CRELD1: variants seen among roughly 807,000 people sequenced by gnomAD.
CRELD1 encodes the protein protein disulfide isomerase CRELD1.
CRELD1 carries 42 observed loss-of-function variants against 58.2 expected under a neutral mutation model. The ratio of observed to expected loss-of-function variants is 0.72; its 90% CI spans 0.56 to 0.93. CRELD1 has a LOEUF of 0.93. Ranked by LOEUF, CRELD1 falls within the 40% of genes least tolerant of loss-of-function variation. The pLI, the probability that CRELD1 is intolerant of heterozygous loss-of-function variation, is 0.00. For missense variants in CRELD1, 500 were observed against 540.6 expected (o/e 0.92, Z 0.74); for synonymous variants, 222 against 202.0 (o/e 1.10, Z -0.84).
Position 9,938,414 on chromosome 3 carries a change from G to A in CRELD1, c.460+308G>A, listed in dbSNP as rs550032716. ...CTATGGTACCTTCCTGGGGAGGGGC[G>A]GGTGCTGACCTGGAGCCTCCATGAT... On this transcript the variant is annotated intron_variant, in intron 5 of 10. Transcript: ENST00000452070. 6.3e-5 allele frequency: 24 copies of A among 380,028 alleles called. No homozygotes were observed. The Admixed American group carries it at 9.1e-4, about 14-fold the overall frequency. The allele number at this position is 380,028 out of a possible 1,614,324, so 23.5% of individuals were successfully genotyped here. A position where few individuals can be genotyped will look rare whatever the true frequency, so the allele number is the denominator to read the frequency against.
chr3:9,943,075 A>G lies in CRELD1; in HGVS notation c.818-2A>G. 1 of 1,613,640 alleles carries G rather than the reference A, an allele frequency of 6.2e-7. No homozygotes were observed. The highest frequency in any genetic ancestry group is 8.5e-7 in the Non-Finnish European group (1 of 1,179,864). On this transcript the variant is annotated splice_acceptor_variant, in intron 8 of 10. Coordinates refer to ENST00000452070, the MANE Select transcript of CRELD1 (RefSeq NM_001077415.3). LOFTEE classifies it high-confidence loss of function. ...ACCCTCATCTTTCTCTCCTCTCTCC[A>G]GACTGTGCCAAGGCCTGCCTAGGCT...
chr3:9,944,070 C>T (rs1217822080), intron 10 of CRELD1: 2 of 800,480 alleles, frequency 2.5e-6, no homozygotes, highest in East Asian at 2.4e-5. Flanking sequence ...TCCAGACAGT[C>T]TGACCGTGGA....
At chr3:9,941,395 C>T (rs959569644) in intron 7 of CRELD1, among the ~76,000 whole-genome samples, 189 bp downstream of exon 7, 1 of 151,906 alleles carries the variant, frequency 6.6e-6, no homozygotes, top group Non-Finnish European at 1.5e-5. Flanking sequence ...AGTATAGTCC[C>T]TGTGTACAGT....
At chr3:9,938,367 T>A (rs2085253322) in intron 5 of CRELD1, 1 of 474,638 alleles carries the variant, frequency 2.1e-6, no homozygotes, top group Non-Finnish European at 3.9e-6. Flanking sequence ...CCCAGCCCCT[T>A]CATTTCCCAT....
chr3:9,943,269 G>A lies in CRELD1; in HGVS notation c.913+97G>A, dbSNP rs1302444562. 3.8e-6 allele frequency: 6 copies of A among 1,597,180 alleles called. No individual in the cohort carries two copies. In the African/African-American group the frequency reaches 8.1e-5, roughly 21 times the overall value. ...ATATGGGCAGGTGGGGGAAGGAAGG[G>A]TGGAATGTTGCCTGGGCAAGGGCAG... On this transcript the variant is annotated intron_variant, in intron 9 of 10. Coordinates refer to ENST00000452070, the MANE Select transcript of CRELD1 (RefSeq NM_001077415.3).
At chr3:9,936,284 G>A (rs531351848) in intron 3 of CRELD1, 6 of 151,954 alleles carry the variant, frequency 3.9e-5, no homozygotes, top group Non-Finnish European at 8.8e-5. Context: ...CTTTTCCTTC[G>A]CCGGGCCTGA....
chr3:9,944,262 C>G, intron 10 of CRELD1, 103 bp from the exon 11 acceptor site: 1 of 1,079,648 alleles, frequency 9.3e-7, no homozygotes, highest in Non-Finnish European at 1.4e-6. Flanking sequence ...CTGGGCAGGC[C>G]TGGTGGCCAT....
intron 3 of CRELD1, among the ~76,000 whole-genome samples, chr3:9,937,194 C>T (rs1322716155): frequency 6.6e-6 from 1 of 152,136 alleles, no homozygotes; most frequent in Non-Finnish European, 1.5e-5. Context: ...CTAATTTCTC[C>T]ACATCCCTGC....
At position 9,933,903 on chromosome 3, in the gene CRELD1, TC is replaced by T. The variant is rs370057748; in HGVS notation, c.-36del. 29 of 428,850 alleles carry T rather than the reference TC, an allele frequency of 6.8e-5. 2 individuals are homozygous for T. The highest frequency in any genetic ancestry group is 4.8e-4 in the South Asian group (18 of 37,626). 26.6% of individuals were successfully genotyped at this position (428,850 alleles called of 1,614,324 possible). Reference sequence around the variant, plus strand: ...CGGGCTGGGGCGGTCGCTTCTTCCTTCTCCGTGGCCTACGAGGGTCTGGATC... The same window carrying T: ...CGGGCTGGGGCGGTCGCTTCTTCCTTTCCGTGGCCTACGAGGGTCTGGATC... On this transcript the variant is annotated 5_prime_UTR_variant, in exon 1 of 11. Coordinates refer to ENST00000452070, the MANE Select transcript of CRELD1 (RefSeq NM_001077415.3).
chr3:9,943,611 A>T, intron 10 of CRELD1, 96 bp downstream of exon 10: 1 of 1,597,578 alleles, frequency 6.3e-7, no homozygotes, highest in Non-Finnish European at 8.5e-7. Flanking sequence ...GCCCTGCCCC[A>T]TCCCTACTGC....
intron 5 of CRELD1, among the ~76,000 whole-genome samples, chr3:9,938,815 ATGCCAC>A (rs1037151165): frequency 7.2e-5 from 11 of 152,024 alleles, no homozygotes; most frequent in African/African-American, 2.7e-4. Flanking sequence ...AGCCGAGATC[ATGCCAC>A]TGCACTCCAG....
chr3:9,943,975 T>A (rs572032802), intron 10 of CRELD1: 2 of 1,081,686 alleles, frequency 1.8e-6, no homozygotes, highest in South Asian at 2.5e-5. Context: ...ATCCCCACTC[T>A]ACATATGTAA....
intron 7 of CRELD1, among the ~76,000 whole-genome samples, chr3:9,942,443 G>C (rs998716255): frequency 7.2e-5 from 11 of 152,280 alleles, no homozygotes; most frequent in African/African-American, 2.6e-4. Context: ...TTGTCTGCAT[G>C]GTTGAAGCTG....
In CRELD1 at chr3:9,944,567, C is replaced by G. The variant is rs977207136; in HGVS notation, c.1251C>G (p.Ile417Met). 1 of 1,607,400 alleles carries G rather than the reference C, an allele frequency of 6.2e-7. No individual in the cohort carries two copies. The highest frequency in any genetic ancestry group is 8.5e-7 in the Non-Finnish European group (1 of 1,179,596). The change falls in exon 11 of 11, where the codon ATC (isoleucine) becomes ATG (methionine). Residue 417 changes from isoleucine (I) to methionine (M), a missense_variant. Ile to Met is a conservative substitution (Grantham distance 10). Transcript: ENST00000452070. ...ERSDRVLEGF[I>M]KGR ...GTGACCGTGTGCTGGAGGGCTTCAT[C>G]AAGGGCAGATAATCGCGGCCACCAC...
intron 10 of CRELD1, chr3:9,943,973 T>C: frequency 1.8e-6 from 2 of 1,087,174 alleles, no homozygotes; most frequent in South Asian, 2.5e-5. Flanking sequence ...TCATCCCCAC[T>C]CTACATATGT....
At position 9,934,562 on chromosome 3, in the gene CRELD1, C is replaced by G. The variant is rs750243579; in HGVS notation, c.124C>G (p.Gln42Glu). ...ACCTCCCCAGTCTTCTCCCCCGCCT[C>G]AGCCCCATCCGTGTCATACCTGCCG... The part of the protein sequence containing the change: ...SPPPQSSPPP[Q>E]PHPCHTCRGL... Residue 42 changes from glutamine (Q) to glutamate (E), a missense_variant, in exon 2 of 11, where the codon CAG (glutamine) becomes GAG (glutamate). Coordinates refer to ENST00000452070, the MANE Select transcript of CRELD1 (RefSeq NM_001077415.3). 3 of 1,614,152 alleles carry G rather than the reference C, an allele frequency of 1.9e-6. No homozygotes were observed. Among genetic ancestry groups the G allele is most frequent in the Middle Eastern group, 1.6e-4 (1 of 6,062 alleles).
intron 5 of CRELD1, 55 bp from the exon 6 acceptor site, chr3:9,940,795 T>C (rs2085344549): frequency 6.5e-6 from 9 of 1,385,234 alleles, no homozygotes; most frequent in South Asian, 1.2e-5. Context: ...GAAAATATTA[T>C]CTTGTATATC....
chr3:9,943,442 G>C lies in CRELD1; in HGVS notation c.975G>C (p.Glu325Asp). The C allele has an allele frequency of 6.2e-7, 1 of 1,614,046 alleles. No homozygotes were observed. The highest frequency in any genetic ancestry group is 8.5e-7 in the Non-Finnish European group (1 of 1,179,968). Residue 325 changes from glutamate to aspartate, a missense_variant, in exon 10 of 11, where the codon GAG (glutamate) becomes GAC (aspartate). Physicochemically the swap from Glu to Asp is conservative, Grantham distance 45. Coordinates refer to ENST00000452070, the MANE Select transcript of CRELD1 (RefSeq NM_001077415.3). Reference sequence around the variant, plus strand: ...AGAACAAGCAGTGTGAAAACACCGAGGGCGGTTATCGCTGCATCTGTGCCG... The same window carrying C: ...AGAACAAGCAGTGTGAAAACACCGACGGCGGTTATCGCTGCATCTGTGCCG... ...PGENKQCENT[E>D]GGYRCICAEG... is the part of the protein sequence containing the mutation.
At chr3:9,944,334 G>A in intron 10 of CRELD1, 31 bp from the exon 11 acceptor site, 1 of 1,583,774 alleles carries the variant, frequency 6.3e-7, no homozygotes, top group Non-Finnish European at 8.7e-7. Flanking sequence ...AGGGATACGA[G>A]TGCCAGGCTG....
Sources: gnomAD v4.1 joint callset for allele counts (sites outside exome capture counted in the v4.1 genomes callset) on GRCh38, gnomAD v4.1.1 for gene constraint, MANE v1.5 for transcripts, NCBI Gene and HGNC (gene_info 2026-07-23, HGNC 2026-07-21) for gene names.